The following ADAMTS6 variants were observed in gnomAD, a reference collection of about 807,000 sequenced individuals.
ADAMTS6 encodes the protein A disintegrin and metalloproteinase with thrombospondin motifs 6.
Under a neutral mutation model 144.3 loss-of-function variants are expected in ADAMTS6, and 23 were observed. That is an observed-to-expected ratio of 0.16 (90% CI 0.11 to 0.23). The LOEUF is 0.23. ADAMTS6 is among the 10% of genes least tolerant of loss of function. The probability of loss-of-function intolerance (pLI) is 1.00; values close to 1 mark genes in which losing one functional copy is unlikely to be tolerated. For synonymous variants in ADAMTS6, 444 were observed against 457.5 expected, an observed-to-expected ratio of 0.97 and a Z score of 0.38; for missense variants, 999 against 1,379.6, an observed-to-expected ratio of 0.72 and a Z score of 4.37.
chr5:65,444,776 ATT>A (rs149823187), intron 7 of ADAMTS6, among the ~76,000 whole-genome samples: 3 of 149,874 alleles, frequency 2.0e-5, no homozygotes, highest in African/African-American at 7.3e-5. Flanking sequence ...AGGATACCAC[ATT>A]TTTTTTTTGT....
At chr5:65,382,605 C>T (rs1053147806) in intron 7 of ADAMTS6, among the ~76,000 whole-genome samples, 2 of 152,236 alleles carry the variant, frequency 1.3e-5, no homozygotes, top group African/African-American at 4.8e-5. Flanking sequence ...GGGGACCTGG[C>T]ACTTTATTGA....
At chr5:65,255,878 T>C (rs1198780763) in intron 14 of ADAMTS6, among the ~76,000 whole-genome samples, 1 of 152,182 alleles carries the variant, frequency 6.6e-6, no homozygotes, top group African/African-American at 2.4e-5. Context: ...TTTAAAAATT[T>C]ATTTATTTTG....
intron 20 of ADAMTS6, among the ~76,000 whole-genome samples, chr5:65,203,117 T>C (rs2112259692): frequency 6.6e-6 from 1 of 152,318 alleles, no homozygotes; most frequent in South Asian, 2.1e-4. Flanking sequence ...TGCCTAAGTT[T>C]GTACCAGTGC....
intron 9 of ADAMTS6, among the ~76,000 whole-genome samples, chr5:65,314,249 G>A (rs1009211976): frequency 2.6e-5 from 4 of 152,054 alleles, no homozygotes; most frequent in African/African-American, 4.8e-5. Context: ...CTGAACATGC[G>A]AAGGAAAGAA....
intron 7 of ADAMTS6, chr5:65,451,258 T>C (rs1758719489): frequency 1.1e-5 from 5 of 452,564 alleles, no homozygotes; most frequent in Non-Finnish European, 1.9e-5. Context: ...TTTATTAAAT[T>C]TCTAAGTCAA....
At chr5:65,357,985 G>A (rs2150099953) in intron 7 of ADAMTS6, among the ~76,000 whole-genome samples, 1 of 151,906 alleles carries the variant, frequency 6.6e-6, no homozygotes, top group East Asian at 1.9e-4. Flanking sequence ...ATTTAATAAG[G>A]CAAGTATTAT....
At chr5:65,295,810 A>G (rs1742780362) in intron 10 of ADAMTS6, among the ~76,000 whole-genome samples, 1 of 152,122 alleles carries the variant, frequency 6.6e-6, no homozygotes, top group Non-Finnish European at 1.5e-5. Context: ...AGTAAATCAA[A>G]GTATATTTAC....
chr5:65,402,219 T>G (rs1364522429), intron 7 of ADAMTS6, among the ~76,000 whole-genome samples: 4 of 152,106 alleles, frequency 2.6e-5, no homozygotes, highest in African/African-American at 9.7e-5. Flanking sequence ...TACCACCTTC[T>G]TGCATCTACT....
chr5:65,248,195 A>G (rs965486990), intron 14 of ADAMTS6, among the ~76,000 whole-genome samples: 1 of 152,152 alleles, frequency 6.6e-6, no homozygotes, highest in Non-Finnish European at 1.5e-5. Context: ...GGGCATTCAA[A>G]TACAGTTAAA....
At chr5:65,452,332 C>T (rs1294110618) in intron 5 of ADAMTS6, 116 bp from the exon 6 acceptor site, 2 of 786,586 alleles carry the variant, frequency 2.5e-6, no homozygotes, top group Non-Finnish European at 4.1e-6. Context: ...ATACATTACC[C>T]CATATCACTT....
At position 65,214,699 on chromosome 5, in the gene ADAMTS6, T is replaced by A; in HGVS notation, c.2575+95A>T. ...TTGAAGCAAACCTGCAAGAAATGTT[T>A]CCAATTAGCTTTTTTAACAAACACA... On this transcript the variant is annotated intron_variant, in intron 20 of 24. Transcript: ENST00000381055. This position sits in a 1 kb window ranked among gnomAD's most constrained non-coding sequence, Gnocchi z 4.6. 1.9e-6 allele frequency: 3 copies of A among 1,579,648 alleles called. No individual in the cohort carries two copies. Among genetic ancestry groups the A allele is most frequent in the Non-Finnish European group, 2.6e-6 (3 of 1,153,860 alleles).
At chr5:65,305,951 A>C (rs1248723773) in intron 9 of ADAMTS6, among the ~76,000 whole-genome samples, 1 of 152,134 alleles carries the variant, frequency 6.6e-6, no homozygotes, top group African/African-American at 2.4e-5. Flanking sequence ...TGTCCGGGTA[A>C]TTTTCAGAGA....
rs1313985304 is a variant in ADAMTS6, at chr5:65,172,982, G to T, written c.2937C>A (p.Phe979Leu). ...TCTTGCACAGAACAATCCGATGCTT[G>T]AATCCTGGACCACATTTTGGAGTAC... Reference protein sequence around the residue: ...SECTPKCGPGFKHRIVLCKSS... With the variant: ...SECTPKCGPGLKHRIVLCKSS... The change falls in exon 23 of 25, where the codon TTC becomes TTA. Residue 979 changes from phenylalanine (F) to leucine (L), a missense_variant. By Grantham distance (22) the Phe-to-Leu change is conservative (BLOSUM62 0). Coordinates refer to ENST00000381055, the MANE Select transcript of ADAMTS6 (RefSeq NM_197941.4). The T allele has an allele frequency of 1.9e-6, 3 of 1,613,968 alleles. No homozygotes were observed. The highest frequency in any genetic ancestry group is 1.3e-5 in the African/African-American group (1 of 74,926).
At chr5:65,429,355 TAC>T (rs1756813891) in intron 7 of ADAMTS6, among the ~76,000 whole-genome samples, 1 of 152,214 alleles carries the variant, frequency 6.6e-6, no homozygotes, top group Non-Finnish European at 1.5e-5. Context: ...TCATAAAATG[TAC>T]AGTTTTCCCT....
rs1421344113 is a variant in ADAMTS6 at position 65,285,214 on chromosome 5, C to T, written c.1512+6115G>A. The stretch of plus-strand genomic sequence containing the variant: ...TGCTGCTTTTAAGATAGAAACTTAA[C>T]GTGGCCTATAAGGTGCAGTTACACT... On this transcript the variant is annotated intron_variant, in intron 11 of 24. Transcript: ENST00000381055. 3.9e-5 allele frequency among the ~76,000 whole-genome samples: 6 copies of T among 152,118 alleles called. No homozygotes were observed. In the South Asian group the frequency reaches 1.0e-3, roughly 26 times the overall value.
chr5:65,445,880 G>A (rs1758240323), intron 7 of ADAMTS6, among the ~76,000 whole-genome samples: 1 of 151,924 alleles, frequency 6.6e-6, no homozygotes, highest in African/African-American at 2.4e-5. Flanking sequence ...AAGAAAGGTT[G>A]GTTTAATATT....
chr5:65,358,349 C>A (rs1468976465), intron 7 of ADAMTS6, among the ~76,000 whole-genome samples: 1 of 152,068 alleles, frequency 6.6e-6, no homozygotes, highest in East Asian at 1.9e-4. Context: ...GACAAGCCCA[C>A]AGGTAACATC....
chr5:65,440,303 T>A (rs946852968), intron 7 of ADAMTS6, among the ~76,000 whole-genome samples: 4 of 152,182 alleles, frequency 2.6e-5, no homozygotes, highest in Admixed American at 1.3e-4. Flanking sequence ...ACAAATTATA[T>A]GAAATATCAA....
chr5:65,216,769 C>T (rs1281882397), intron 18 of ADAMTS6, among the ~76,000 whole-genome samples: 1 of 117,724 alleles, frequency 8.5e-6, no homozygotes, highest in African/African-American at 3.5e-5. Flanking sequence ...TTAAAAAAAT[C>T]TCTTACAAGA....
Sources: allele counts gnomAD v4.1 joint callset (sites outside exome capture counted in the v4.1 genomes callset), GRCh38; gene constraint gnomAD v4.1.1; non-coding constraint Gnocchi (gnomAD v3.1); transcripts MANE v1.5; gene names NCBI Gene and HGNC (gene_info 2026-07-23, HGNC 2026-07-21).